CCDC117: variants seen among roughly 807,000 people sequenced by gnomAD.
CCDC117 encodes the protein coiled-coil domain-containing protein 117.
A neutral mutation model predicts 23.5 loss-of-function variants in CCDC117; 1 was observed. That is an observed-to-expected ratio of 0.04 (90% confidence interval 0.02 to 0.20). The LOEUF (loss-of-function observed/expected upper bound fraction) is 0.20. CCDC117 is among the 10% of genes least tolerant of loss of function. The pLI is 1.00. For synonymous variants in CCDC117, 132 were observed against 124.8 expected, an observed-to-expected ratio of 1.06 and a Z score of -0.39; for missense variants, 383 against 348.2, an observed-to-expected ratio of 1.10 and a Z score of -0.80.
intron 2 of CCDC117, among the ~76,000 whole-genome samples, chr22:28,774,752 A>G (rs142610016): frequency 5.7e-4 from 87 of 152,228 alleles, no homozygotes; most frequent in Admixed American, 1.8e-3. Context: ...AAGATAATCT[A>G]AAAATTTACC....
chr22:28,777,010 G>A (rs2031181380), intron 2 of CCDC117, among the ~76,000 whole-genome samples: 1 of 150,558 alleles, frequency 6.6e-6, no homozygotes, highest in African/African-American at 2.4e-5. Flanking sequence ...GTGAGCTACT[G>A]TGCCTGGCCA....
At position 28,786,314 on chromosome 22, in the gene CCDC117, G is replaced by A; in HGVS notation, c.828G>A (p.Glu276=). 6.2e-7 allele frequency: 1 copy of A among 1,611,768 alleles called. No individual in the cohort carries two copies. The highest frequency in any genetic ancestry group is 8.5e-7 in the Non-Finnish European group (1 of 1,178,776). ...SLETATSTEE[E]MEL is the part of the protein sequence containing the mutation. ...AGACAGCTACTAGCACAGAAGAAGAGATGGAACTCTAGAAACCAATTTCTA... is the reference window on the plus strand; with the variant it reads ...AGACAGCTACTAGCACAGAAGAAGAAATGGAACTCTAGAAACCAATTTCTA... Residue 276 remains glutamate, a synonymous_variant, in exon 5 of 5, where the codon GAG becomes GAA. Transcript: ENST00000249064.
chr22:28,778,748 G>A (rs184380272), intron 2 of CCDC117, among the ~76,000 whole-genome samples: 1 of 152,240 alleles, frequency 6.6e-6, no homozygotes, highest in East Asian at 1.9e-4. Flanking sequence ...TACAAATGGA[G>A]AAGTTGAGGC....
In CCDC117 at chr22:28,773,009, C is replaced by G. The variant is rs2031035332; in HGVS notation, c.160C>G (p.Pro54Ala). ...RPGPRAVPSS[P>A]AGSAARGRVS... is the part of the protein sequence containing the mutation. ...GGGACCTCGCGCAGTCCCTAGCAGT[C>G]CCGCTGGGAGTGCGGCGCGCGGACG... The change falls in exon 1 of 5, where the codon CCC (proline) becomes GCC (alanine). Residue 54 changes from proline to alanine, a missense_variant. Pro to Ala is a conservative substitution (Grantham distance 27). Transcript: ENST00000249064. 1 of 1,190,056 alleles carries G rather than the reference C, an allele frequency of 8.4e-7. No individual in the cohort carries two copies. The highest frequency in any genetic ancestry group is 1.0e-6 in the Non-Finnish European group (1 of 961,022). 73.7% of individuals were successfully genotyped at this position (1,190,056 alleles called of 1,614,324 possible).
At chr22:28,780,179 C>G (rs528171107) in intron 2 of CCDC117, among the ~76,000 whole-genome samples, 1 of 152,226 alleles carries the variant, frequency 6.6e-6, no homozygotes, top group African/African-American at 2.4e-5. Context: ...TTGATGAATT[C>G]TAAAGTTTCT....
chr22:28,783,669 A>G (rs370186831), intron 4 of CCDC117, 24 bp downstream of exon 4: 3 of 1,608,564 alleles, frequency 1.9e-6, no homozygotes, highest in African/African-American at 1.3e-5. Flanking sequence ...CCTGATTTCT[A>G]TTTAATTATG....
At position 28,787,279 on chromosome 22, in the gene CCDC117, A is replaced by G. The variant is rs1346490875; in HGVS notation, c.*953A>G. ...CTCACCCTCCCAAGTAGCTGGGATT[A>G]CAGGTGCCCACCTCCACGCCCAGCT... On this transcript the variant is annotated 3_prime_UTR_variant, in exon 5 of 5. Transcript: ENST00000249064. 6.6e-6 allele frequency: 1 copy of G among 151,576 alleles called. No homozygotes were observed. The highest frequency in any genetic ancestry group is 1.5e-5 in the Non-Finnish European group (1 of 67,968). 9.4% of individuals were successfully genotyped at this position (151,576 alleles called of 1,614,324 possible).
rs941783325 is a variant in CCDC117, at chr22:28,777,215, C to T, written c.239+3437C>T. Among the ~76,000 whole-genome samples the T allele has an allele frequency of 6.6e-5, 10 of 151,432 alleles. 1 individual carries two copies. Among genetic ancestry groups the T allele is most frequent in the Non-Finnish European group, 1.0e-4 (7 of 67,890 alleles). ...TAATTTTTTGTATCTTTGGTACAGA[C>T]GGGGTTTCACCATGTTAGCCAGGAT... On this transcript the variant is annotated intron_variant, in intron 2 of 4. Coordinates refer to ENST00000249064, the MANE Select transcript of CCDC117 (RefSeq NM_173510.4).
In CCDC117 at chr22:28,788,416, C is replaced by CTTTT. The variant is rs2031580304; in HGVS notation, c.*2090_*2091insTTTT. ...CAGCTTTCCAAAGAAGGACCTAAAA[C>CTTTT]ACACCAAGATTGTCTTCTACAGGAA... is the stretch of plus-strand genomic sequence containing the variant. On this transcript the variant is annotated 3_prime_UTR_variant, in exon 5 of 5. Transcript: ENST00000249064. 6.6e-6 allele frequency: 1 copy of CTTTT among 152,468 alleles called. No individual in the cohort carries two copies. Among genetic ancestry groups the CTTTT allele is most frequent in the Non-Finnish European group, 1.5e-5 (1 of 68,028 alleles). The allele number at this position is 152,468 out of a possible 1,614,324, so 9.4% of individuals were successfully genotyped here.
intron 1 of CCDC117, chr22:28,773,275 G>T (rs2031053404): frequency 6.0e-6 from 1 of 165,846 alleles, no homozygotes; most frequent in Non-Finnish European, 1.3e-5. Context: ...ACCTCAGCTC[G>T]ACTGCGGCCC....
chr22:28,772,863 G>C lies in CCDC117; in HGVS notation c.14G>C (p.Gly5Ala), dbSNP rs1417050079. The C allele has an allele frequency of 1.6e-6, 2 of 1,233,640 alleles. No homozygotes were observed. The highest frequency in any genetic ancestry group is 2.0e-6 in the Non-Finnish European group (2 of 988,056). 76.4% of individuals were successfully genotyped at this position (1,233,640 alleles called of 1,614,324 possible). Residue 5 changes from glycine (G) to alanine (A), a missense_variant, in exon 1 of 5, where the codon GGC becomes GCC. Gly to Ala is a moderately conservative substitution (Grantham distance 60, BLOSUM62 0). Coordinates refer to ENST00000249064, the MANE Select transcript of CCDC117 (RefSeq NM_173510.4). ...GTCTCGCCGGCTATGGCTGCGCTCG[G>C]CCGGCCCTTCAGCGGCCTCCCTCTG... is the stretch of plus-strand genomic sequence containing the variant. Reference protein sequence around the residue: MAALGRPFSGLPLSG... With the variant: MAALARPFSGLPLSG...
intron 2 of CCDC117, 100 bp from the exon 3 acceptor site, chr22:28,780,847 AG>A (rs1238809835): frequency 4.9e-6 from 4 of 809,564 alleles, no homozygotes; most frequent in Non-Finnish European, 5.9e-6. Context: ...TTGTCAAAAA[AG>A]CTAGTTTTTT....
Position 28,787,939 on chromosome 22 carries a change from AC to A in CCDC117, c.*1616del, listed in dbSNP as rs1438254016. The A allele has an allele frequency of 1.3e-5, 2 of 152,536 alleles. No homozygotes were observed. Among genetic ancestry groups the A allele is most frequent in the African/African-American group, 4.8e-5 (2 of 41,418 alleles). The allele number at this position is 152,536 out of a possible 1,614,324, so 9.4% of individuals were successfully genotyped here. On this transcript the variant is annotated 3_prime_UTR_variant, in exon 5 of 5. Transcript: ENST00000249064. ...AAACCACCTTCTAGGCGTTTTTGGA[AC>A]CCTTACTGAAATCCCTCCCCTTGTT...
intron 4 of CCDC117, among the ~76,000 whole-genome samples, chr22:28,785,804 T>C (rs1044697168): frequency 1.3e-5 from 2 of 151,902 alleles, no homozygotes; most frequent in Admixed American, 6.6e-5. Flanking sequence ...GTGCCTGTAG[T>C]CCTAATTACT....
In CCDC117 at chr22:28,773,680, C is replaced by T. The variant is rs531578052; in HGVS notation, c.186-45C>T. On this transcript the variant is annotated intron_variant, in intron 1 of 4. Transcript: ENST00000249064. ...AGAAAGAGGATACTGAAACCACAAGCTCGAGTACATTTCTTAATTGACTGA... is the reference window on the plus strand; with the variant it reads ...AGAAAGAGGATACTGAAACCACAAGTTCGAGTACATTTCTTAATTGACTGA... 2.1e-5 allele frequency: 32 copies of T among 1,496,176 alleles called. No homozygotes were observed. In the Admixed American group the frequency reaches 4.5e-4, roughly 21 times the overall value. The allele number at this position is 1,496,176 out of a possible 1,614,324, so 92.7% of individuals were successfully genotyped here.
intron 2 of CCDC117, among the ~76,000 whole-genome samples, chr22:28,778,558 C>T (rs1305324383): frequency 6.6e-6 from 1 of 152,084 alleles, no homozygotes; most frequent in Non-Finnish European, 1.5e-5. Context: ...CAGTGAGGCC[C>T]ACTGAACAGA....
At position 28,772,908 on chromosome 22, in the gene CCDC117, T is replaced by TGCAGCCGCC. The variant is rs2031027480; in HGVS notation, c.67_75dup (p.Pro23_Pro25dup). The TGCAGCCGCC allele has an allele frequency of 8.1e-7, 1 of 1,230,294 alleles. No homozygotes were observed. Among genetic ancestry groups the TGCAGCCGCC allele is most frequent in the Admixed American group, 4.2e-5 (1 of 23,688 alleles). The allele number at this position is 1,230,294 out of a possible 1,614,324, so 76.2% of individuals were successfully genotyped here. On this transcript the variant is annotated inframe_insertion, in exon 1 of 5. Transcript: ENST00000249064. ...CCTCTGAGCGGCGGCTCGGACTTCCTGCAGCCGCCGCAGCCGGCCTTCCCC... is the reference window on the plus strand; with the variant it reads ...CCTCTGAGCGGCGGCTCGGACTTCCTGCAGCCGCCGCAGCCGCCGCAGCCGGCCTTCCCC...
In CCDC117 at chr22:28,788,394, CTTTCCAA is replaced by C. The variant is rs1322620410; in HGVS notation, c.*2069_*2075del. On this transcript the variant is annotated 3_prime_UTR_variant, in exon 5 of 5. Coordinates refer to ENST00000249064, the MANE Select transcript of CCDC117 (RefSeq NM_173510.4). ...GTTTAGGTGGAAAGGGAGATGACAG[CTTTCCAA>C]AGAAGGACCTAAAACACACCAAGAT... is the stretch of plus-strand genomic sequence containing the variant. 1 of 152,534 alleles carries C rather than the reference CTTTCCAA, an allele frequency of 6.6e-6. No individual in the cohort carries two copies. The highest frequency in any genetic ancestry group is 6.5e-5 in the Admixed American group (1 of 15,270). The allele number at this position is 152,534 out of a possible 1,614,324, so 9.4% of individuals were successfully genotyped here. A position where few individuals can be genotyped will look rare whatever the true frequency, so the allele number is the denominator to read the frequency against.
chr22:28,775,491 T>G (rs2031136504), intron 2 of CCDC117, among the ~76,000 whole-genome samples: 1 of 152,122 alleles, frequency 6.6e-6, no homozygotes, highest in Non-Finnish European at 1.5e-5. Context: ...TGAACGTGAG[T>G]TTTTGCCAAT....
Sources: allele counts gnomAD v4.1 joint callset (sites outside exome capture counted in the v4.1 genomes callset), GRCh38; gene constraint gnomAD v4.1.1; transcripts MANE v1.5; gene names NCBI Gene and HGNC (gene_info 2026-07-23, HGNC 2026-07-21).